Variants in ADARB2 observed in about 807,000 individuals in gnomAD.
ADARB2 encodes the protein inactive double-stranded RNA-specific editase B2.
A neutral mutation model predicts 62.2 loss-of-function variants in ADARB2; 25 were observed. That is an observed-to-expected ratio of 0.40 (90% CI 0.29 to 0.56). The LOEUF (loss-of-function observed/expected upper bound fraction) is 0.56, where lower values mean the gene tolerates loss of function less well. ADARB2 is among the 20% of genes least tolerant of loss of function. The pLI is 0.43. For missense variants in ADARB2, 1,071 were observed against 1,077.4 expected (o/e 0.99, Z 0.08); for synonymous variants, 572 against 500.8 (o/e 1.14, Z -1.90).
intron 1 of ADARB2, among the ~76,000 whole-genome samples, chr10:1,574,453 C>T (rs1832983347): frequency 6.6e-6 from 1 of 152,170 alleles, no homozygotes; most frequent in Non-Finnish European, 1.5e-5. Context: ...TTAGACTTTC[C>T]TGGAAAGCAC....
At chr10:1,409,239 ACAGCGGGCTCCCACCTTCGTCG>A (rs1832734384) in intron 1 of ADARB2, among the ~76,000 whole-genome samples, 3 of 151,630 alleles carry the variant, frequency 2.0e-5, no homozygotes, top group South Asian at 2.1e-4. Flanking sequence ...GCCCTGCCTG[ACAGCGGGCTCCCACCTTCGTCG>A]CCCCGCCCTG....
intron 2 of ADARB2, among the ~76,000 whole-genome samples, chr10:1,369,022 C>T (rs36151440): frequency 0.086 from 11,727 of 135,612 alleles, 1,600 homozygotes; most frequent in South Asian, 0.22. Context: ...GAGGAGCTCA[C>T]GTCCAGGTGC....
intron 1 of ADARB2, among the ~76,000 whole-genome samples, chr10:1,503,268 C>T (rs12241233): frequency 0.021 from 3,138 of 152,016 alleles, 114 homozygotes; most frequent in African/African-American, 0.071. Flanking sequence ...CTCATTTCAA[C>T]GTCTGCCTCC....
Position 1,270,482 on chromosome 10 carries a change from C to T in ADARB2, c.1192+473G>A, listed in dbSNP as rs1307427924. Among the ~76,000 whole-genome samples the T allele has an allele frequency of 2.0e-5, 3 of 152,300 alleles. No homozygotes were observed. The East Asian group carries it at 5.8e-4, about 29-fold the overall frequency. ...CACAGGGCCGATTGATCAAATTTAG[C>T]CCTCATTCATCTTCCCCCATCCTGG... On this transcript the variant is annotated intron_variant, in intron 4 of 9. Coordinates refer to ENST00000381312, the MANE Select transcript of ADARB2 (RefSeq NM_018702.4).
chr10:1,683,200 G>A (rs1834560505), intron 1 of ADARB2, among the ~76,000 whole-genome samples: 1 of 152,122 alleles, frequency 6.6e-6, no homozygotes, highest in Admixed American at 6.5e-5. Flanking sequence ...TACCGAGATA[G>A]GTCTGACCCC....
At chr10:1,684,650 C>T (rs1055109259) in intron 1 of ADARB2, among the ~76,000 whole-genome samples, 1 of 152,118 alleles carries the variant, frequency 6.6e-6, no homozygotes, top group Admixed American at 6.6e-5. Flanking sequence ...CACTCTGAGC[C>T]CTTCATTTTG....
At chr10:1,691,569 T>C (rs1230208293) in intron 1 of ADARB2, among the ~76,000 whole-genome samples, 9 of 152,146 alleles carry the variant, frequency 5.9e-5, no homozygotes, top group Admixed American at 5.9e-4. Context: ...TGACTACATG[T>C]TGAAGGGGTA....
intron 1 of ADARB2, among the ~76,000 whole-genome samples, chr10:1,537,633 T>TA (rs1370664056): frequency 6.6e-6 from 1 of 152,086 alleles, no homozygotes; most frequent in Non-Finnish European, 1.5e-5. Context: ...TATGCAGCCA[T>TA]AAAAAGGAAG....
At chr10:1,501,028 C>T (rs1013820881) in intron 1 of ADARB2, among the ~76,000 whole-genome samples, 1 of 152,214 alleles carries the variant, frequency 6.6e-6, no homozygotes, top group African/African-American at 2.4e-5. Context: ...ACATGCACCA[C>T]CACGCCCAGC....
At chr10:1,475,319 CT>C (rs1171829229) in intron 1 of ADARB2, among the ~76,000 whole-genome samples, 1 of 152,176 alleles carries the variant, frequency 6.6e-6, no homozygotes, top group East Asian at 1.9e-4. Flanking sequence ...ATCTGCGCAC[CT>C]TTTCCCCTTG....
At chr10:1,659,517 C>T (rs772618553) in intron 1 of ADARB2, among the ~76,000 whole-genome samples, 1 of 152,230 alleles carries the variant, frequency 6.6e-6, no homozygotes, top group Non-Finnish European at 1.5e-5. Flanking sequence ...AGCCTGGAGC[C>T]CCACTGCCGG....
At chr10:1,588,764 G>T (rs2676773) in intron 1 of ADARB2, among the ~76,000 whole-genome samples, 3 of 152,254 alleles carry the variant, frequency 2.0e-5, no homozygotes, top group Admixed American at 2.0e-4. Context: ...GGAGGCAATG[G>T]GGTGTGGGAT....
chr10:1,398,440 G>C lies in ADARB2; in HGVS notation c.101-19280C>G, dbSNP rs569500360. Reference sequence around the variant, plus strand: ...TGGGAGGGAGACGGGTTTCTTCCTTGGTCCTCCCACTCGCTCCTGTTTTTC... The same window carrying C: ...TGGGAGGGAGACGGGTTTCTTCCTTCGTCCTCCCACTCGCTCCTGTTTTTC... On this transcript the variant is annotated intron_variant, in intron 1 of 9. Transcript: ENST00000381312. This position sits in a 1 kb window ranked among gnomAD's most constrained non-coding sequence, Gnocchi z 4.1. 6.6e-6 allele frequency among the ~76,000 whole-genome samples: 1 copy of C among 152,152 alleles called. No homozygotes were observed. Among genetic ancestry groups the C allele is most frequent in the African/African-American group, 2.4e-5 (1 of 41,428 alleles).
chr10:1,693,999 T>C (rs1834705657), intron 1 of ADARB2, among the ~76,000 whole-genome samples: 2 of 152,220 alleles, frequency 1.3e-5, no homozygotes, highest in Admixed American at 6.5e-5. Context: ...GAAATGATTC[T>C]TTAGCCAAAA....
intron 1 of ADARB2, among the ~76,000 whole-genome samples, chr10:1,659,949 C>T (rs185411481): frequency 0.011 from 1,623 of 148,796 alleles, 14 homozygotes; most frequent in East Asian, 0.047. Context: ...CCTGCCTGGG[C>T]GACCCATCAT....
At chr10:1,434,708 C>T (rs1334704858) in intron 1 of ADARB2, among the ~76,000 whole-genome samples, 1 of 152,108 alleles carries the variant, frequency 6.6e-6, no homozygotes. Flanking sequence ...ATTTAGATGA[C>T]GTAAACTCAC....
At chr10:1,535,826 G>A (rs375079538) in intron 1 of ADARB2, among the ~76,000 whole-genome samples, 5 of 152,268 alleles carry the variant, frequency 3.3e-5, no homozygotes, top group South Asian at 2.1e-4. Context: ...CCCCGACCTC[G>A]CCCCTGTGAG....
intron 2 of ADARB2, among the ~76,000 whole-genome samples, chr10:1,366,713 C>T (rs1193572441): frequency 6.6e-6 from 1 of 152,184 alleles, no homozygotes; most frequent in African/African-American, 2.4e-5. Context: ...TTGTCTTGGC[C>T]TATGTACAGT....
At chr10:1,639,480 C>A (rs1029247440) in intron 1 of ADARB2, among the ~76,000 whole-genome samples, 1 of 152,204 alleles carries the variant, frequency 6.6e-6, no homozygotes, top group Non-Finnish European at 1.5e-5. Flanking sequence ...CATTCACGAG[C>A]AGCCTGATGA....
Sources: gnomAD v4.1 joint callset for allele counts (sites outside exome capture counted in the v4.1 genomes callset) on GRCh38, gnomAD v4.1.1 for gene constraint, Gnocchi (gnomAD v3.1) non-coding constraint, MANE v1.5 for transcripts, NCBI Gene and HGNC (gene_info 2026-07-23, HGNC 2026-07-21) for gene names.